The following ANKRD30A variants were observed in gnomAD, a reference collection of about 807,000 sequenced individuals.
The protein encoded by ANKRD30A is ankyrin repeat domain-containing protein 30A.
Under a neutral mutation model 166.3 loss-of-function variants are expected in ANKRD30A, and 170 were observed. The observed-to-expected ratio is 1.02, with a 90% CI of 0.90 to 1.16. ANKRD30A has a LOEUF of 1.16. Ranked by LOEUF, ANKRD30A falls within the 50% of genes most tolerant of loss-of-function variation. ANKRD30A has a pLI of 0.00. For synonymous variants in ANKRD30A, 564 were observed against 508.9 expected, an observed-to-expected ratio of 1.11 and a Z score of -1.46; for missense variants, 1,630 against 1,518.0, an observed-to-expected ratio of 1.07 and a Z score of -1.23.
intron 6 of ANKRD30A, among the ~76,000 whole-genome samples, chr10:37,141,513 C>A (rs1837104838): frequency 7.2e-6 from 1 of 139,440 alleles, no homozygotes; most frequent in Non-Finnish European, 1.5e-5. Context: ...GCTTGAATTG[C>A]ATTGAGCTGA....
intron 34 of ANKRD30A, among the ~76,000 whole-genome samples, chr10:37,221,076 G>A (rs531915998): frequency 1.4e-5 from 2 of 146,558 alleles, no homozygotes; most frequent in African/African-American, 2.5e-5. Flanking sequence ...ACTTCAGTAG[G>A]TTGTGAAGCA....
At position 37,231,403 on chromosome 10, in the gene ANKRD30A, T is replaced by A; in HGVS notation, c.4186-58T>A. On this transcript the variant is annotated intron_variant, in intron 34 of 35. Transcript: ENST00000361713. ...GTTTTCTTTTTAAATACAAGTCCTT[T>A]TCTAATTATGTAGGAAAAAATAAAA... The A allele has an allele frequency of 3.4e-6, 5 of 1,460,850 alleles. No individual in the cohort carries two copies. The South Asian group carries it at 3.9e-5, about 11-fold the overall frequency. The allele number at this position is 1,460,850 out of a possible 1,614,324, so 90.5% of individuals were successfully genotyped here.
At chr10:37,161,824 A>C (rs1838903607) in intron 15 of ANKRD30A, among the ~76,000 whole-genome samples, 1 of 152,190 alleles carries the variant, frequency 6.6e-6, no homozygotes, top group African/African-American at 2.4e-5. Context: ...GCCATTCCAC[A>C]AAAAATTTAT....
the ANKRD30A span, among the ~76,000 whole-genome samples, chr10:37,241,740 A>C: frequency 4.6e-5 from 7 of 152,168 alleles, no homozygotes; most frequent in African/African-American, 1.7e-4. Context: ...TTAAGTGCTG[A>C]TTTATATGGA....
intron 25 of ANKRD30A, among the ~76,000 whole-genome samples, chr10:37,191,615 A>G (rs1308562449): frequency 6.6e-6 from 1 of 152,084 alleles, no homozygotes; most frequent in South Asian, 2.1e-4. Context: ...TTTTGCAAAA[A>G]TCATATATAA....
rs553588629 is a variant in ANKRD30A at position 37,218,960 on chromosome 10, G to A, written c.3268-20G>A. On this transcript the variant is annotated intron_variant, in intron 33 of 35. Coordinates refer to ENST00000361713, the MANE Select transcript of ANKRD30A (RefSeq NM_052997.3). ...CCATTTTATTGAGTGCTAGCTAAAA[G>A]TTTATTTTGTTTTATTTAGGTTTCT... is the stretch of plus-strand genomic sequence containing the variant. 29 of 1,504,470 alleles carry A rather than the reference G, an allele frequency of 1.9e-5. No individual in the cohort carries two copies. In the African/African-American group the frequency reaches 2.8e-4, roughly 15 times the overall value. 93.2% of individuals were successfully genotyped at this position (1,504,470 alleles called of 1,614,324 possible).
chr10:37,137,432 C>G (rs1836784921), intron 6 of ANKRD30A, among the ~76,000 whole-genome samples: 1 of 152,156 alleles, frequency 6.6e-6, no homozygotes, highest in Non-Finnish European at 1.5e-5. Context: ...GAGGCATTGC[C>G]TCACCTGGGA....
At chr10:37,231,408 A>T in intron 34 of ANKRD30A, 53 bp from the exon 35 acceptor site, 1 of 1,490,130 alleles carries the variant, frequency 6.7e-7, no homozygotes, top group Non-Finnish European at 9.1e-7. Context: ...TCCTTTTCTA[A>T]TTATGTAGGA....
At position 37,193,060 on chromosome 10, in the gene ANKRD30A, T is replaced by A; in HGVS notation, c.2513-4T>A. ...ATAAATTATATATGTCCCTTTTCTT[T>A]TAGAGTCTCCTGATAATGATGGTTT... On this transcript the variant is annotated splice_region_variant and splice_polypyrimidine_tract_variant and intron_variant, in intron 25 of 35. Coordinates refer to ENST00000361713, the MANE Select transcript of ANKRD30A (RefSeq NM_052997.3). 1.2e-6 allele frequency: 2 copies of A among 1,609,690 alleles called. No homozygotes were observed. Among genetic ancestry groups the A allele is most frequent in the Non-Finnish European group, 1.7e-6 (2 of 1,177,318 alleles).
Position 37,166,696 on chromosome 10 carries a change from G to A in ANKRD30A, c.2155+1G>A, listed in dbSNP as rs1282224124. The A allele has an allele frequency of 6.2e-7, 1 of 1,600,912 alleles. No homozygotes were observed. Among genetic ancestry groups the A allele is most frequent in the African/African-American group, 1.4e-5 (1 of 74,000 alleles). On this transcript the variant is annotated splice_donor_variant, in intron 19 of 35. Transcript: ENST00000361713. LOFTEE classifies it high-confidence loss of function. ...GATAAAATAAATGGAAAATTAGAAG[G>A]TAAGAACCGTTTTTTATTTAAAAAT... is the stretch of plus-strand genomic sequence containing the variant.
At chr10:37,144,048 G>A (rs570019864) in intron 7 of ANKRD30A, among the ~76,000 whole-genome samples, 2 of 151,774 alleles carry the variant, frequency 1.3e-5, no homozygotes, top group East Asian at 1.9e-4. Flanking sequence ...TTTCTTTGCC[G>A]TTATTTTATT....
At chr10:37,263,638 G>C in the ANKRD30A span, among the ~76,000 whole-genome samples, 2 of 152,084 alleles carry the variant, frequency 1.3e-5, no homozygotes, top group Non-Finnish European at 2.9e-5. Context: ...CTGCTGATCT[G>C]ACAGGAGGCA....
chr10:37,206,211 A>G (rs937013225), intron 31 of ANKRD30A, among the ~76,000 whole-genome samples: 4 of 152,136 alleles, frequency 2.6e-5, no homozygotes, highest in African/African-American at 4.8e-5. Flanking sequence ...GGAGGGGGGA[A>G]GAAGCTATGA....
intron 34 of ANKRD30A, among the ~76,000 whole-genome samples, chr10:37,230,872 C>T (rs903583050): frequency 3.3e-5 from 5 of 152,028 alleles, no homozygotes; most frequent in South Asian, 2.1e-4. Context: ...AGACAGAAGG[C>T]ACAGGCCCCA....
chr10:37,257,937 G>A, the ANKRD30A span, among the ~76,000 whole-genome samples: 1 of 152,118 alleles, frequency 6.6e-6, no homozygotes, highest in Non-Finnish European at 1.5e-5. Context: ...GACACAGGGA[G>A]GGAAACATCA....
chr10:37,253,427 C>G, the ANKRD30A span, among the ~76,000 whole-genome samples: 2 of 152,132 alleles, frequency 1.3e-5, no homozygotes, highest in Non-Finnish European at 2.9e-5. Flanking sequence ...ACAACCATTA[C>G]TACAATCCAT....
intron 31 of ANKRD30A, among the ~76,000 whole-genome samples, chr10:37,206,057 A>T (rs2132707649): frequency 6.6e-6 from 1 of 152,304 alleles, no homozygotes. Flanking sequence ...CAGAATTTAT[A>T]GATGCACGAT....
chr10:37,192,929 A>G, intron 25 of ANKRD30A, 135 bp from the exon 26 acceptor site: 2 of 1,471,382 alleles, frequency 1.4e-6, no homozygotes, highest in East Asian at 4.6e-5. Context: ...AGTAACCCAA[A>G]AGACCCCAAA....
chr10:37,226,172 A>ATG (rs1269103534), intron 34 of ANKRD30A, among the ~76,000 whole-genome samples: 1 of 151,326 alleles, frequency 6.6e-6, no homozygotes. Context: ...TTTGTTACAT[A>ATG]TGTATACATG....
Sources: allele counts gnomAD v4.1 joint callset (sites outside exome capture counted in the v4.1 genomes callset), GRCh38; gene constraint gnomAD v4.1.1; transcripts MANE v1.5; gene names NCBI Gene and HGNC (gene_info 2026-07-23, HGNC 2026-07-21).